Variants in ATXN7 observed in about 807,000 individuals in gnomAD.
ATXN7 encodes ataxin 7.
ATXN7 carries 12 observed loss-of-function variants against 70.5 expected under a neutral mutation model. That is an observed-to-expected ratio of 0.17 (90% CI 0.11 to 0.28). ATXN7 has a LOEUF of 0.28. Among genes scored for constraint, ATXN7 ranks in the 10% least tolerant of loss-of-function variants. The pLI, the probability that ATXN7 is intolerant of heterozygous loss-of-function variation, is 1.00. For synonymous variants in ATXN7, 498 were observed against 448.7 expected, an observed-to-expected ratio of 1.11 and a Z score of -1.39; for missense variants, 1,256 against 1,131.7, an observed-to-expected ratio of 1.11 and a Z score of -1.58.
At chr3:63,977,168 G>C (rs949954521) in intron 5 of ATXN7, among the ~76,000 whole-genome samples, 6 of 152,156 alleles carry the variant, frequency 3.9e-5, no homozygotes, top group Non-Finnish European at 5.9e-5. Context: ...ATAGTTTTCT[G>C]TGTTCACCTG....
chr3:63,935,949 T>C (rs1167446680), intron 4 of ATXN7, among the ~76,000 whole-genome samples: 1 of 152,160 alleles, frequency 6.6e-6, no homozygotes, highest in Non-Finnish European at 1.5e-5. Flanking sequence ...CTTAGGCAAA[T>C]TGTACTATAT....
At chr3:63,989,705 A>G (rs2075637297) in intron 9 of ATXN7, among the ~76,000 whole-genome samples, 2 of 152,176 alleles carry the variant, frequency 1.3e-5, no homozygotes, top group South Asian at 4.1e-4. Flanking sequence ...ACCATTTTAT[A>G]TCAGGCCACT....
At chr3:63,982,876 G>T in intron 7 of ATXN7, 63 bp from the exon 8 acceptor site, 1 of 1,246,978 alleles carries the variant, frequency 8.0e-7, no homozygotes, top group Non-Finnish European at 1.2e-6. Context: ...CTATTTTCTT[G>T]CTTAAAAAAT....
At chr3:63,939,811 G>A (rs150641982) in intron 4 of ATXN7, among the ~76,000 whole-genome samples, 2 of 152,244 alleles carry the variant, frequency 1.3e-5, no homozygotes, top group African/African-American at 4.8e-5. Context: ...GCAGCCACTG[G>A]AGGGGACAGA....
At chr3:63,865,656 C>T (rs534118137) in intron 1 of ATXN7, among the ~76,000 whole-genome samples, 78 of 152,078 alleles carry the variant, frequency 5.1e-4, no homozygotes, top group Non-Finnish European at 1.5e-5. Flanking sequence ...CTTTGGGAGG[C>T]CGAGGCGGGA....
intron 1 of ATXN7, among the ~76,000 whole-genome samples, chr3:63,897,579 C>A (rs1703483064): frequency 6.6e-6 from 1 of 152,172 alleles, no homozygotes. Flanking sequence ...ATTACCTCCT[C>A]CACATCTTGC....
At chr3:63,916,160 T>C (rs887778584) in intron 4 of ATXN7, among the ~76,000 whole-genome samples, 6 of 152,214 alleles carry the variant, frequency 3.9e-5, no homozygotes, top group African/African-American at 1.2e-4. Flanking sequence ...TAATACTACC[T>C]ACTTCCCAAG....
intron 2 of ATXN7, chr3:63,905,561 A>G (rs933428974): frequency 6.6e-6 from 1 of 152,162 alleles, no homozygotes; most frequent in Admixed American, 6.5e-5. Flanking sequence ...CAACCCACTA[A>G]TTGCCCGCTT....
intron 12 of ATXN7, 36 bp from the exon 13 acceptor site, chr3:63,999,414 C>T (rs375611238): frequency 6.5e-7 from 1 of 1,544,420 alleles, no homozygotes; most frequent in Non-Finnish European, 9.0e-7. Context: ...GCTTACTTAC[C>T]ATTTCATTAT....
chr3:63,863,576 G>A (rs1702292879), upstream of ATXN7: 2 of 1,197,454 alleles, frequency 1.7e-6, no homozygotes, highest in African/African-American at 1.6e-5. Context: ...CTCGGGCTCT[G>A]GCGAGAGGAG....
chr3:63,976,535 T>C lies in ATXN7; in HGVS notation c.500-3380T>C, dbSNP rs527303118. ...GTAGAAAATAGACTTTTTTGGGATA[T>C]TATCGATACATCAGCAGACTTTTAA... On this transcript the variant is annotated intron_variant, in intron 5 of 12. Coordinates refer to ENST00000674280, the MANE Select transcript of ATXN7 (RefSeq NM_001377405.1). Among the ~76,000 whole-genome samples the C allele has an allele frequency of 2.2e-4, 34 of 152,346 alleles. No homozygotes were observed. The South Asian group carries it at 4.8e-3, about 21-fold the overall frequency.
intron 1 of ATXN7, among the ~76,000 whole-genome samples, chr3:63,883,795 A>G (rs1702991639): frequency 6.6e-6 from 1 of 152,154 alleles, no homozygotes; most frequent in African/African-American, 2.4e-5. Context: ...ATTGCATAGA[A>G]TAGCAAACAA....
intron 4 of ATXN7, among the ~76,000 whole-genome samples, chr3:63,929,138 C>T (rs919161208): frequency 4.6e-5 from 7 of 151,986 alleles, no homozygotes; most frequent in Middle Eastern, 3.2e-3. Flanking sequence ...AGGGAAATGG[C>T]GTATTTATTA....
chr3:63,915,171 G>C (rs375575459), intron 4 of ATXN7, among the ~76,000 whole-genome samples: 4 of 152,244 alleles, frequency 2.6e-5, no homozygotes, highest in East Asian at 3.9e-4. Context: ...TCCTAACCTC[G>C]TGACCCACCT....
upstream of ATXN7, chr3:63,863,633 G>A (rs1702296756): frequency 5.8e-6 from 7 of 1,206,264 alleles, no homozygotes; most frequent in East Asian, 2.4e-4. Context: ...TCCGGGGAGA[G>A]GTCGGGAAGG....
intron 1 of ATXN7, among the ~76,000 whole-genome samples, chr3:63,882,691 C>G (rs897889942): frequency 3.3e-5 from 5 of 151,990 alleles, no homozygotes; most frequent in Admixed American, 3.3e-4. Context: ...TGACCTCTGG[C>G]CTCTTAAATG....
intron 1 of ATXN7, among the ~76,000 whole-genome samples, chr3:63,869,690 G>T (rs1702541203): frequency 6.6e-6 from 1 of 152,202 alleles, no homozygotes; most frequent in Non-Finnish European, 1.5e-5. Flanking sequence ...CTCCCAAAGT[G>T]CTGGGATTAC....
intron 4 of ATXN7, among the ~76,000 whole-genome samples, chr3:63,950,470 A>T (rs571867944): frequency 6.6e-6 from 1 of 152,306 alleles, no homozygotes; most frequent in African/African-American, 2.4e-5. Context: ...AATAAAACTA[A>T]TTGAGTTGAT....
chr3:63,924,986 T>C (rs886679668), intron 4 of ATXN7, among the ~76,000 whole-genome samples: 8 of 152,114 alleles, frequency 5.3e-5, no homozygotes, highest in Non-Finnish European at 1.0e-4. Flanking sequence ...GAATTGATAA[T>C]CACAAGTATA....
Sources: allele counts gnomAD v4.1 joint callset (sites outside exome capture counted in the v4.1 genomes callset), GRCh38; gene constraint gnomAD v4.1.1; transcripts MANE v1.5; gene names NCBI Gene and HGNC (gene_info 2026-07-23, HGNC 2026-07-21).